The following GRM7 variants were observed in gnomAD, a reference collection of about 807,000 sequenced individuals.
GRM7 encodes glutamate metabotropic receptor 7.
Under a neutral mutation model 84.5 loss-of-function variants are expected in GRM7, and 35 were observed. That is an observed-to-expected ratio of 0.41 (90% CI 0.32 to 0.55). The LOEUF is 0.55. Among genes scored for constraint, GRM7 ranks in the 20% least tolerant of loss-of-function variants. GRM7 has a pLI of 0.19. For missense variants in GRM7, 1,003 were observed against 1,194.6 expected, an observed-to-expected ratio of 0.84 and a Z score of 2.36; for synonymous variants, 487 against 455.1, an observed-to-expected ratio of 1.07 and a Z score of -0.89.
chr3:7,362,766 A>T (rs780381395), intron 4 of GRM7, among the ~76,000 whole-genome samples: 20 of 152,152 alleles, frequency 1.3e-4, no homozygotes, highest in Non-Finnish European at 2.2e-4. Context: ...TTCAGATATC[A>T]GTCCTACTGC....
chr3:7,199,140 A>C (rs1201278648), intron 2 of GRM7, among the ~76,000 whole-genome samples: 1 of 152,154 alleles, frequency 6.6e-6, no homozygotes, highest in Non-Finnish European at 1.5e-5. Context: ...GCTTTGATTC[A>C]TAGAAGGTTG....
intron 2 of GRM7, among the ~76,000 whole-genome samples, chr3:7,236,878 T>C (rs998986611): frequency 6.6e-6 from 1 of 152,208 alleles, no homozygotes; most frequent in Admixed American, 6.5e-5. Flanking sequence ...TATACTGAGT[T>C]TGGGAACATT....
chr3:7,002,209 A>G (rs1226459186), intron 1 of GRM7, among the ~76,000 whole-genome samples: 2 of 152,202 alleles, frequency 1.3e-5, no homozygotes, highest in African/African-American at 4.8e-5. Context: ...TATAGTGGTT[A>G]GCTACGTAGG....
At chr3:7,661,738 G>A (rs775176187) in intron 8 of GRM7, among the ~76,000 whole-genome samples, 2 of 135,432 alleles carry the variant, frequency 1.5e-5, no homozygotes, top group African/African-American at 5.5e-5. Context: ...AGCTGGCAGT[G>A]AGCCGAGATC....
chr3:7,228,703 A>C (rs2124892940), intron 2 of GRM7, among the ~76,000 whole-genome samples: 1 of 152,334 alleles, frequency 6.6e-6, no homozygotes, highest in Middle Eastern at 3.4e-3. Flanking sequence ...GTAGAGATTT[A>C]TGAGATTTGG....
At chr3:7,494,552 C>T (rs1699632194) in intron 7 of GRM7, among the ~76,000 whole-genome samples, 1 of 152,072 alleles carries the variant, frequency 6.6e-6, no homozygotes, top group Non-Finnish European at 1.5e-5. Context: ...TTTAGCTTCA[C>T]TCTCTTTCTC....
At chr3:7,392,747 G>A (rs572068771) in intron 4 of GRM7, among the ~76,000 whole-genome samples, 1 of 152,302 alleles carries the variant, frequency 6.6e-6, no homozygotes, top group East Asian at 1.9e-4. Flanking sequence ...GAGGAACTTA[G>A]CATTAAACTA....
intron 8 of GRM7, among the ~76,000 whole-genome samples, chr3:7,669,866 G>T (rs774796543): frequency 7.9e-5 from 12 of 151,862 alleles, no homozygotes; most frequent in Admixed American, 2.6e-4. Context: ...AGCTCTCACT[G>T]TTCCATTTAG....
chr3:6,942,336 G>A (rs983589338), intron 1 of GRM7, among the ~76,000 whole-genome samples: 9 of 152,000 alleles, frequency 5.9e-5, no homozygotes, highest in Non-Finnish European at 1.5e-5. Context: ...TAATTAAAAT[G>A]CACAATATAA....
At chr3:7,112,788 C>A (rs530481058) in intron 1 of GRM7, among the ~76,000 whole-genome samples, 1 of 152,252 alleles carries the variant, frequency 6.6e-6, no homozygotes, top group South Asian at 2.1e-4. Context: ...TTTCCTATCC[C>A]TCAGAATAGA....
chr3:7,045,398 T>C (rs1244923631), intron 1 of GRM7, among the ~76,000 whole-genome samples: 1 of 152,172 alleles, frequency 6.6e-6, no homozygotes, highest in Admixed American at 6.6e-5. Context: ...TAGTATTTCT[T>C]TCTTTAAGGA....
chr3:7,549,385 G>A (rs1693329894), intron 7 of GRM7, among the ~76,000 whole-genome samples: 1 of 152,248 alleles, frequency 6.6e-6, no homozygotes, highest in African/African-American at 2.4e-5. Flanking sequence ...ATCAATCATA[G>A]TGTTTATAGT....
chr3:7,538,503 A>G (rs978811086), intron 7 of GRM7, among the ~76,000 whole-genome samples: 6 of 152,236 alleles, frequency 3.9e-5, no homozygotes, highest in Non-Finnish European at 7.3e-5. Flanking sequence ...AGGCCAGGGA[A>G]TCTGCATCAG....
chr3:7,419,830 AGAT>A (rs1434117424), intron 5 of GRM7, among the ~76,000 whole-genome samples: 2 of 152,184 alleles, frequency 1.3e-5, no homozygotes, highest in African/African-American at 2.4e-5. Context: ...CGATGACAGA[AGAT>A]GAATAAATTG....
intron 7 of GRM7, chr3:7,560,406 G>C (rs1468137832): frequency 6.6e-6 from 1 of 152,034 alleles, no homozygotes; most frequent in East Asian, 1.9e-4. Context: ...ATAGTTCTCA[G>C]CTCACCTTTC....
chr3:7,623,260 G>A (rs1044806514), intron 8 of GRM7, among the ~76,000 whole-genome samples: 15 of 152,114 alleles, frequency 9.9e-5, no homozygotes, highest in African/African-American at 3.4e-4. Flanking sequence ...CAGCCATGGA[G>A]GGAATGAAGG....
At chr3:6,996,722 C>T (rs540934267) in intron 1 of GRM7, among the ~76,000 whole-genome samples, 1 of 152,250 alleles carries the variant, frequency 6.6e-6, no homozygotes, top group South Asian at 2.1e-4. Context: ...TCCCTTTAGT[C>T]TTTATTTCTT....
At chr3:7,320,681 A>AGAGTGTGT (rs1700742896) in intron 4 of GRM7, among the ~76,000 whole-genome samples, 1 of 141,156 alleles carries the variant, frequency 7.1e-6, no homozygotes, top group Non-Finnish European at 1.5e-5. Context: ...GTGGGTGATC[A>AGAGTGTGT]GTGTGTGTGT....
intron 2 of GRM7, among the ~76,000 whole-genome samples, chr3:7,178,475 G>A (rs1406417582): frequency 6.6e-6 from 1 of 151,944 alleles, no homozygotes; most frequent in Non-Finnish European, 1.5e-5. Context: ...TGTGTGATTA[G>A]CAGAGCTCAC....
Sources: gnomAD v4.1 joint callset for allele counts (sites outside exome capture counted in the v4.1 genomes callset) on GRCh38, gnomAD v4.1.1 for gene constraint, MANE v1.5 for transcripts, NCBI Gene and HGNC (gene_info 2026-07-23, HGNC 2026-07-21) for gene names.